The following OSBPL3 variants were observed in gnomAD, a reference collection of about 807,000 sequenced individuals.
OSBPL3 encodes oxysterol binding protein like 3.
A neutral mutation model predicts 120.1 loss-of-function variants in OSBPL3; 65 were observed. The ratio of observed to expected loss-of-function variants is 0.54; its 90% CI spans 0.44 to 0.67. OSBPL3 has a LOEUF of 0.67. Ranked by LOEUF, OSBPL3 falls within the 30% of genes least tolerant of loss-of-function variation. OSBPL3 has a pLI of 0.00. For missense variants in OSBPL3, 1,004 were observed against 1,082.1 expected (o/e 0.93, Z 1.01); for synonymous variants, 416 against 402.6 (o/e 1.03, Z -0.40).
chr7:24,892,572 T>C lies in OSBPL3; in HGVS notation c.-100A>G, dbSNP rs1053183213. On this transcript the variant is annotated 5_prime_UTR_variant, in exon 2 of 23. Transcript: ENST00000313367. The stretch of plus-strand genomic sequence containing the variant: ...CCAGTGGCAGGTGGTTTAGCTCTTA[T>C]CCAAAGTATTTAAAAAACATTTTGG... The C allele has an allele frequency of 2.0e-6, 3 of 1,465,156 alleles. No individual in the cohort carries two copies. The highest frequency in any genetic ancestry group is 2.8e-5 in the African/African-American group (2 of 71,370). 90.8% of individuals were successfully genotyped at this position (1,465,156 alleles called of 1,614,324 possible).
intron 2 of OSBPL3, among the ~76,000 whole-genome samples, chr7:24,882,557 T>C (rs1243552354): frequency 6.6e-6 from 1 of 152,224 alleles, no homozygotes; most frequent in African/African-American, 2.4e-5. Context: ...GCAATAAACA[T>C]ATGAGTGCAG....
intron 14 of OSBPL3, among the ~76,000 whole-genome samples, chr7:24,839,225 T>C (rs1249466342): frequency 6.6e-6 from 1 of 152,178 alleles, no homozygotes; most frequent in Non-Finnish European, 1.5e-5. Flanking sequence ...CAGACAAACC[T>C]AGAGACTCCA....
rs528171178 is a variant in OSBPL3 at position 24,818,448 on chromosome 7, G to A, written c.1948+1727C>T. ...CGTATGAAAAAATAGTAGAGAGGTT[G>A]GGAAGGGAAAATGGAAGTATACTTC... On this transcript the variant is annotated intron_variant, in intron 17 of 22. Coordinates refer to ENST00000313367, the MANE Select transcript of OSBPL3 (RefSeq NM_015550.4). The surrounding 1 kb of genome is among the most constrained non-coding windows in gnomAD (Gnocchi z 4.0). Among the ~76,000 whole-genome samples the A allele has an allele frequency of 6.6e-6, 1 of 152,144 alleles. No individual in the cohort carries two copies. The highest frequency in any genetic ancestry group is 2.1e-4 in the South Asian group (1 of 4,818).
At chr7:24,842,459 T>G in intron 12 of OSBPL3, 46 bp from the exon 13 acceptor site, 1 of 1,407,718 alleles carries the variant, frequency 7.1e-7, no homozygotes, top group Non-Finnish European at 9.8e-7. Flanking sequence ...AAAAACATTC[T>G]CAAGAGAAAG....
Position 24,804,297 on chromosome 7 carries a change from C to A in OSBPL3, c.2567+18G>T. The A allele has an allele frequency of 6.2e-7, 1 of 1,614,096 alleles. No homozygotes were observed. The highest frequency in any genetic ancestry group is 1.1e-5 in the South Asian group (1 of 91,062). The stretch of plus-strand genomic sequence containing the variant: ...GCACCACCTATCAACCAAAAACCTA[C>A]TCAATCCAGGCACGAACCTGAAAAA... On this transcript the variant is annotated intron_variant, in intron 22 of 22. Coordinates refer to ENST00000313367, the MANE Select transcript of OSBPL3 (RefSeq NM_015550.4). The surrounding 1 kb of genome is among the most constrained non-coding windows in gnomAD (Gnocchi z 5.4).
intron 1 of OSBPL3, among the ~76,000 whole-genome samples, chr7:24,917,468 T>TACAC (rs10573041): frequency 6.3e-5 from 7 of 111,814 alleles, no homozygotes; most frequent in Non-Finnish European, 1.4e-4. Context: ...TATATATATA[T>TACAC]ACACACACAC....
chr7:24,877,747 G>A lies in OSBPL3; in HGVS notation c.97-5678C>T, dbSNP rs1330018937. ...GGATGTTGGTTTCTCTTGGCTAAAGGAACCAGGACTTAGGAGTATCTCCTG... is the reference window on the plus strand; with the variant it reads ...GGATGTTGGTTTCTCTTGGCTAAAGAAACCAGGACTTAGGAGTATCTCCTG... On this transcript the variant is annotated intron_variant, in intron 2 of 22. Coordinates refer to ENST00000313367, the MANE Select transcript of OSBPL3 (RefSeq NM_015550.4). The surrounding 1 kb of genome is among the most constrained non-coding windows in gnomAD (Gnocchi z 4.8). Among the ~76,000 whole-genome samples the A allele has an allele frequency of 6.6e-6, 1 of 152,142 alleles. No homozygotes were observed. The highest frequency in any genetic ancestry group is 2.1e-4 in the South Asian group (1 of 4,828).
intron 22 of OSBPL3, among the ~76,000 whole-genome samples, chr7:24,801,176 G>T (rs748848742): frequency 1.1e-4 from 16 of 147,312 alleles, no homozygotes; most frequent in African/African-American, 3.9e-4. Flanking sequence ...GGAAGGCAGA[G>T]GTTGCAGCAG....
chr7:24,800,125 C>A lies in OSBPL3; in HGVS notation c.*58G>T. The A allele has an allele frequency of 1.1e-6, 1 of 943,242 alleles. No individual in the cohort carries two copies. The highest frequency in any genetic ancestry group is 1.7e-5 in the Admixed American group (1 of 57,176). 58.4% of individuals were successfully genotyped at this position (943,242 alleles called of 1,614,324 possible). A position where few individuals can be genotyped will look rare whatever the true frequency, so the allele number is the denominator to read the frequency against. ...TAAATATATAAACACAGGTTTGTGC[C>A]ACTTCAGAAGGCAAGCACAGGAGAA... On this transcript the variant is annotated 3_prime_UTR_variant, in exon 23 of 23. Coordinates refer to ENST00000313367, the MANE Select transcript of OSBPL3 (RefSeq NM_015550.4).
At position 24,822,960 on chromosome 7, in the gene OSBPL3, G is replaced by C. The variant is rs2128146025; in HGVS notation, c.1885-2722C>G. Among the ~76,000 whole-genome samples, 1 of 152,224 alleles carries C rather than the reference G, an allele frequency of 6.6e-6. No homozygotes were observed. Among genetic ancestry groups the C allele is most frequent in the African/African-American group, 2.4e-5 (1 of 41,530 alleles). On this transcript the variant is annotated intron_variant, in intron 16 of 22. Transcript: ENST00000313367. This position sits in a 1 kb window ranked among gnomAD's most constrained non-coding sequence, Gnocchi z 5.8. ...TCTTTATGGCTTACACAGGCCTTTG[G>C]GAATGGTTTATTTGGCCCACATTGC...
rs1259419347 is a variant in OSBPL3, at chr7:24,799,123, A to G, written c.*1060T>C. On this transcript the variant is annotated 3_prime_UTR_variant, in exon 23 of 23. Coordinates refer to ENST00000313367, the MANE Select transcript of OSBPL3 (RefSeq NM_015550.4). The surrounding 1 kb of genome is among the most constrained non-coding windows in gnomAD (Gnocchi z 5.3). ...GAACATCAATTCTCTACATTTGTCT[A>G]TAAGGCAGATGGCAACTTTTTATAC... 6.5e-6 allele frequency: 1 copy of G among 152,690 alleles called. No homozygotes were observed. Among genetic ancestry groups the G allele is most frequent in the East Asian group, 1.9e-4 (1 of 5,204 alleles). The allele number at this position is 152,690 out of a possible 1,614,324, so 9.5% of individuals were successfully genotyped here.
At chr7:24,892,679 C>G in intron 1 of OSBPL3, 58 bp from the exon 2 acceptor site, 1 of 1,242,828 alleles carries the variant, frequency 8.0e-7, no homozygotes, top group African/African-American at 1.5e-5. Flanking sequence ...TCTAATTTGC[C>G]ACAAATTGTC....
At chr7:24,875,142 T>A (rs1435064596) in intron 2 of OSBPL3, among the ~76,000 whole-genome samples, 1 of 152,224 alleles carries the variant, frequency 6.6e-6, no homozygotes, top group Non-Finnish European at 1.5e-5. Flanking sequence ...GTGCTTAAAA[T>A]CACTTGAGCA....
chr7:24,917,409 T>TATATATATATATTTGTAAC (rs1562924745), intron 1 of OSBPL3, among the ~76,000 whole-genome samples: 28 of 134,996 alleles, frequency 2.1e-4, no homozygotes, highest in Non-Finnish European at 6.2e-5. Flanking sequence ...AACATATATA[T>TATATATATATATTTGTAAC]ATATATATAT....
At position 24,896,121 on chromosome 7, in the gene OSBPL3, G is replaced by A. The variant is rs1301952974; in HGVS notation, c.-149-3500C>T. On this transcript the variant is annotated intron_variant, in intron 1 of 22. Transcript: ENST00000313367. The surrounding 1 kb of genome is among the most constrained non-coding windows in gnomAD (Gnocchi z 4.4). ...GAACAGGTTTTATGGCTACTTTGGT[G>A]CATTCTGCCTAATGTCAGTGTTTGA... 1.3e-5 allele frequency among the ~76,000 whole-genome samples: 2 copies of A among 152,196 alleles called. No homozygotes were observed. The highest frequency in any genetic ancestry group is 2.9e-5 in the Non-Finnish European group (2 of 68,034).
chr7:24,828,606 G>GAAAAAAGAAA lies in OSBPL3; in HGVS notation c.1884+2161_1884+2162insTTTCTTTTTT, dbSNP rs1491571662. ...TGGGCGACAAAGTGAGACTCTGTCT[G>GAAAAAAGAAA]AAAAAAAAAAAAAAAGAAAAAAAAA... is the stretch of plus-strand genomic sequence containing the variant. On this transcript the variant is annotated intron_variant, in intron 16 of 22. Transcript: ENST00000313367. Among the ~76,000 whole-genome samples, 49 of 32,542 alleles carry GAAAAAAGAAA rather than the reference G, an allele frequency of 1.5e-3. 4 individuals carry two copies. The highest frequency in any genetic ancestry group is 2.0e-3 in the Non-Finnish European group (38 of 19,034). The allele number at this position is 32,542 out of a possible 152,430, so 21.3% of individuals were successfully genotyped here. A position where few individuals can be genotyped will look rare whatever the true frequency, so the allele number is the denominator to read the frequency against.
At chr7:24,917,428 T>TATA (rs1562924930) in intron 1 of OSBPL3, among the ~76,000 whole-genome samples, 1,477 of 92,226 alleles carry the variant, frequency 0.016, 32 homozygotes, top group Middle Eastern at 0.04. Flanking sequence ...ATATATATAT[T>TATA]TGTAACATAT....
rs539550855 is a variant in OSBPL3 at position 24,812,925 on chromosome 7, G to A, written c.2172+2134C>T. On this transcript the variant is annotated intron_variant, in intron 19 of 22. Coordinates refer to ENST00000313367, the MANE Select transcript of OSBPL3 (RefSeq NM_015550.4). ...ACAGGGTCTTATTCTGTTCCCCAGA[G>A]TAGAGTGCAGTGGTGCAATCATAGC... Among the ~76,000 whole-genome samples, 3 of 152,296 alleles carry A rather than the reference G, an allele frequency of 2.0e-5. No homozygotes were observed. The South Asian group carries it at 6.2e-4, about 32-fold the overall frequency.
chr7:24,969,955 A>AC (rs1816812556), intron 1 of OSBPL3, among the ~76,000 whole-genome samples: 1 of 151,894 alleles, frequency 6.6e-6, no homozygotes, highest in Non-Finnish European at 1.5e-5. Context: ...GCCCTAATCT[A>AC]CCTCTCCATT....
Sources: allele counts gnomAD v4.1 joint callset (sites outside exome capture counted in the v4.1 genomes callset), GRCh38; gene constraint gnomAD v4.1.1; non-coding constraint Gnocchi (gnomAD v3.1); transcripts MANE v1.5; gene names NCBI Gene and HGNC (gene_info 2026-07-23, HGNC 2026-07-21).